Variants in FOCAD observed in about 807,000 individuals in gnomAD.
The protein encoded by FOCAD is focadhesin, also known as KIAA1797.
In FOCAD, 198 loss-of-function variants were observed where a neutral mutation model predicts 225.6. That is an observed-to-expected ratio of 0.88 (90% CI 0.78 to 0.99). FOCAD has a LOEUF of 0.99. Among genes scored for constraint, FOCAD ranks in the 50% least tolerant of loss-of-function variants. The pLI, the probability that FOCAD is intolerant of heterozygous loss-of-function variation, is 0.00. For missense variants in FOCAD, 2,713 were observed against 2,123.6 expected, an observed-to-expected ratio of 1.28 and a Z score of -5.46; for synonymous variants, 897 against 755.0, an observed-to-expected ratio of 1.19 and a Z score of -3.08.
At chr9:20,893,359 G>GCAGACA (rs1373901458) in intron 21 of FOCAD, among the ~76,000 whole-genome samples, 1 of 151,902 alleles carries the variant, frequency 6.6e-6, no homozygotes, top group Non-Finnish European at 1.5e-5. Flanking sequence ...GCATTTGTCT[G>GCAGACA]GGACCAAACC....
intron 1 of FOCAD, among the ~76,000 whole-genome samples, chr9:20,698,402 A>G (rs1823561618): frequency 6.6e-6 from 1 of 151,888 alleles, no homozygotes; most frequent in Non-Finnish European, 1.5e-5. Flanking sequence ...ATATATGTGT[A>G]TTTATTTTTA....
At position 20,715,349 on chromosome 9, in the gene FOCAD, C is replaced by T; in HGVS notation, c.-5C>T. 6.6e-7 allele frequency: 1 copy of T among 1,515,502 alleles called. No homozygotes were observed. Among genetic ancestry groups the T allele is most frequent in the South Asian group, 1.4e-5 (1 of 71,488 alleles). 93.9% of individuals were successfully genotyped at this position (1,515,502 alleles called of 1,614,324 possible). A position where few individuals can be genotyped will look rare whatever the true frequency, so the allele number is the denominator to read the frequency against. ...GCTGCACACATACATGTAAGAGAAG[C>T]AAAAATGTCAGATGATATCAGGAAA... is the stretch of plus-strand genomic sequence containing the variant. On this transcript the variant is annotated 5_prime_UTR_variant, in exon 2 of 44. Transcript: ENST00000338382.
chr9:20,798,696 C>A (rs555146320), intron 11 of FOCAD, among the ~76,000 whole-genome samples: 1 of 151,528 alleles, frequency 6.6e-6, no homozygotes, highest in East Asian at 1.9e-4. Context: ...TGGTGATATC[C>A]CCTTTATCAT....
At chr9:20,679,201 G>A (rs1822326990) in intron 2 of FOCAD, among the ~76,000 whole-genome samples, 1 of 151,442 alleles carries the variant, frequency 6.6e-6, no homozygotes, top group African/African-American at 2.4e-5. Flanking sequence ...GTGCAGGGGA[G>A]GGAGATCATG....
At chr9:20,758,321 G>C in intron 6 of FOCAD, 130 bp downstream of exon 6, 2 of 524,650 alleles carry the variant, frequency 3.8e-6, no homozygotes, top group South Asian at 6.1e-5. Flanking sequence ...TTCTCCTGAA[G>C]AACCATCCTA....
chr9:20,916,244 A>G (rs554352975), intron 23 of FOCAD, among the ~76,000 whole-genome samples: 2 of 152,296 alleles, frequency 1.3e-5, no homozygotes, highest in Admixed American at 1.3e-4. Context: ...GTTGTTTTTT[A>G]CTTCATATTG....
At chr9:20,767,667 G>T (rs1320914420) in intron 7 of FOCAD, among the ~76,000 whole-genome samples, 2 of 142,446 alleles carry the variant, frequency 1.4e-5, no homozygotes, top group Admixed American at 1.4e-4. Flanking sequence ...CTTTTTGATG[G>T]GGTTGTTTGT....
chr9:20,711,905 G>A (rs1824879702), intron 1 of FOCAD, among the ~76,000 whole-genome samples: 1 of 152,164 alleles, frequency 6.6e-6, no homozygotes, highest in African/African-American at 2.4e-5. Flanking sequence ...GGAGCAGAGT[G>A]GACAGAGGAA....
At chr9:20,790,654 C>G (rs946800507) in intron 11 of FOCAD, among the ~76,000 whole-genome samples, 1 of 152,056 alleles carries the variant, frequency 6.6e-6, no homozygotes, top group African/African-American at 2.4e-5. Context: ...ACCTGTAATC[C>G]CAGCTGCTCA....
At chr9:20,756,890 T>TTGATATTTC (rs1163972946) in intron 5 of FOCAD, among the ~76,000 whole-genome samples, 1 of 152,204 alleles carries the variant, frequency 6.6e-6, no homozygotes. Context: ...GCTAAAAAGA[T>TTGATATTTC]TGATATTTCT....
intron 35 of FOCAD, among the ~76,000 whole-genome samples, chr9:20,964,510 C>A (rs952809548): frequency 3.3e-5 from 5 of 152,106 alleles, no homozygotes; most frequent in Admixed American, 6.6e-5. Flanking sequence ...GGTAGCATAG[C>A]ACAGAAGAGT....
intron 16 of FOCAD, among the ~76,000 whole-genome samples, chr9:20,864,031 C>T (rs1472997278): frequency 1.3e-5 from 2 of 151,852 alleles, no homozygotes; most frequent in African/African-American, 4.8e-5. Context: ...TGCTTTGGGG[C>T]CGTTCTCTCT....
chr9:20,842,086 C>G (rs535294720), intron 15 of FOCAD, among the ~76,000 whole-genome samples: 37 of 151,004 alleles, frequency 2.5e-4, no homozygotes, highest in Non-Finnish European at 4.3e-4. Flanking sequence ...TTATTGATTT[C>G]TAGTTTTATT....
rs1029247652 is a variant in FOCAD at position 20,716,301 on chromosome 9, A to G, written c.57+891A>G. On this transcript the variant is annotated intron_variant, in intron 2 of 43. Transcript: ENST00000338382. The stretch of plus-strand genomic sequence containing the variant: ...CTCTTTGTTAACATAGATAATCAAG[A>G]AATGCCCATACGTGTTACTGTTAAA... The G allele has an allele frequency of 1.2e-4, 29 of 250,884 alleles. No individual in the cohort carries two copies. The East Asian group carries it at 2.0e-3, about 17-fold the overall frequency. 15.5% of individuals were successfully genotyped at this position (250,884 alleles called of 1,614,324 possible).
chr9:20,783,419 C>T (rs1434585951), intron 10 of FOCAD, among the ~76,000 whole-genome samples: 1 of 151,946 alleles, frequency 6.6e-6, no homozygotes, highest in East Asian at 1.9e-4. Flanking sequence ...CTTTACATTC[C>T]AGTCACACCT....
chr9:20,788,586 G>C (rs1038002317), intron 10 of FOCAD, among the ~76,000 whole-genome samples: 1 of 152,060 alleles, frequency 6.6e-6, no homozygotes, highest in Non-Finnish European at 1.5e-5. Context: ...TTATAATCCA[G>C]AGATTTCCAG....
At chr9:20,703,588 C>T (rs1824149833) in intron 1 of FOCAD, among the ~76,000 whole-genome samples, 2 of 151,908 alleles carry the variant, frequency 1.3e-5, no homozygotes, top group South Asian at 2.1e-4. Flanking sequence ...TCTTATTTCT[C>T]TCTAGTGACT....
At chr9:20,732,034 T>C (rs1826758244) in intron 4 of FOCAD, among the ~76,000 whole-genome samples, 1 of 152,218 alleles carries the variant, frequency 6.6e-6, no homozygotes, top group African/African-American at 2.4e-5. Flanking sequence ...GGTGGTTTGC[T>C]GCAGCTATCA....
chr9:20,691,267 C>T (rs1054263913), intron 1 of FOCAD, among the ~76,000 whole-genome samples: 7 of 151,998 alleles, frequency 4.6e-5, no homozygotes, highest in African/African-American at 1.4e-4. Context: ...AAAGCACTTT[C>T]TTCCCTTATT....
Sources: gnomAD v4.1 joint callset for allele counts (sites outside exome capture counted in the v4.1 genomes callset) on GRCh38, gnomAD v4.1.1 for gene constraint, MANE v1.5 for transcripts, NCBI Gene and HGNC (gene_info 2026-07-23, HGNC 2026-07-21) for gene names.